NAALADL2: variants seen among roughly 807,000 people sequenced by gnomAD.
NAALADL2 encodes inactive N-acetylated-alpha-linked acidic dipeptidase-like protein 2.
In NAALADL2, 76 loss-of-function variants were observed where a neutral mutation model predicts 87.2. The observed-to-expected ratio is 0.87, with a 90% CI of 0.72 to 1.05. The LOEUF is 1.05. NAALADL2 is among the 50% of genes least tolerant of loss of function. The probability of loss-of-function intolerance (pLI) is 0.00; values close to 1 mark genes in which losing one functional copy is unlikely to be tolerated. For synonymous variants in NAALADL2, 354 were observed against 331.0 expected, an observed-to-expected ratio of 1.07 and a Z score of -0.75; for missense variants, 1,089 against 945.8, an observed-to-expected ratio of 1.15 and a Z score of -1.99.
At chr3:174,720,336 C>CA (rs546844350) in intron 2 of NAALADL2, among the ~76,000 whole-genome samples, 7 of 151,776 alleles carry the variant, frequency 4.6e-5, no homozygotes, top group Admixed American at 3.3e-4. Flanking sequence ...CTGACATGGC[C>CA]ATTAATTAAA....
chr3:174,472,779 C>A (rs1716983223), intron 1 of NAALADL2, among the ~76,000 whole-genome samples: 1 of 152,206 alleles, frequency 6.6e-6, no homozygotes, highest in South Asian at 2.1e-4. Context: ...TCAGTCCACA[C>A]CACTAGGCCT....
At chr3:175,400,092 A>G (rs1452595726) in intron 5 of NAALADL2, among the ~76,000 whole-genome samples, 2 of 152,118 alleles carry the variant, frequency 1.3e-5, no homozygotes, top group Admixed American at 6.6e-5. Context: ...CTCATTCTCT[A>G]TATGAAAAGG....
At chr3:175,419,844 G>T (rs192351366) in intron 5 of NAALADL2, among the ~76,000 whole-genome samples, 89 of 152,068 alleles carry the variant, frequency 5.9e-4, no homozygotes, top group African/African-American at 2.1e-3. Context: ...CTTCATAGAA[G>T]AAGTGATATT....
intron 2 of NAALADL2, among the ~76,000 whole-genome samples, chr3:174,607,190 T>C (rs139432163): frequency 0.35 from 52,696 of 151,580 alleles, 10,426 homozygotes; most frequent in Non-Finnish European, 0.46. Context: ...AAGGAACAAC[T>C]GGTACCAGCC....
chr3:175,043,965 A>G (rs1754384457), intron 1 of NAALADL2, among the ~76,000 whole-genome samples: 1 of 152,162 alleles, frequency 6.6e-6, no homozygotes, highest in Non-Finnish European at 1.5e-5. Flanking sequence ...ATTGCTTTAC[A>G]TAATACAAAT....
intron 1 of NAALADL2, among the ~76,000 whole-genome samples, chr3:174,522,743 G>A (rs1277742205): frequency 6.6e-6 from 1 of 151,734 alleles, no homozygotes. Flanking sequence ...GACCATCCTG[G>A]CTAACACGGT....
intron 13 of NAALADL2, among the ~76,000 whole-genome samples, chr3:175,788,814 CAT>C (rs1407750230): frequency 6.6e-5 from 10 of 152,118 alleles, no homozygotes; most frequent in East Asian, 1.9e-4. Context: ...AATTATCAAA[CAT>C]AATTATTTAT....
chr3:175,273,659 G>A (rs996610826), intron 4 of NAALADL2, among the ~76,000 whole-genome samples: 30 of 151,864 alleles, frequency 2.0e-4, no homozygotes, highest in Non-Finnish European at 1.5e-5. Flanking sequence ...GAAAAAAAAT[G>A]ACAATTTATT....
At chr3:174,684,466 C>T (rs1386976449) in intron 2 of NAALADL2, among the ~76,000 whole-genome samples, 1 of 151,986 alleles carries the variant, frequency 6.6e-6, no homozygotes, top group Admixed American at 6.6e-5. Context: ...TTTTTTCAAG[C>T]TAGTTTGAGT....
At chr3:175,017,607 C>CA (rs1751015792) in intron 1 of NAALADL2, among the ~76,000 whole-genome samples, 1 of 151,938 alleles carries the variant, frequency 6.6e-6, no homozygotes, top group African/African-American at 2.4e-5. Context: ...CCGATTTTCC[C>CA]AAAAAATGAA....
chr3:175,540,741 G>A (rs1712169858), intron 9 of NAALADL2, among the ~76,000 whole-genome samples: 1 of 152,048 alleles, frequency 6.6e-6, no homozygotes, highest in Non-Finnish European at 1.5e-5. Flanking sequence ...AAATACTAGT[G>A]AAAGAGAAGC....
At chr3:175,390,526 G>A (rs778047576) in intron 5 of NAALADL2, among the ~76,000 whole-genome samples, 1 of 152,038 alleles carries the variant, frequency 6.6e-6, no homozygotes, top group East Asian at 1.9e-4. Context: ...CCATCTTTAG[G>A]CTAAACAAGG....
At chr3:174,671,430 A>T (rs77288757) in intron 2 of NAALADL2, among the ~76,000 whole-genome samples, 8,885 of 152,122 alleles carry the variant, frequency 0.058, 691 homozygotes, top group African/African-American at 0.18. Context: ...ATTAGAAAAA[A>T]CAATGTGGGA....
chr3:174,783,804 C>A (rs1332375072), intron 3 of NAALADL2, among the ~76,000 whole-genome samples: 1 of 152,082 alleles, frequency 6.6e-6, no homozygotes, highest in African/African-American at 2.4e-5. Flanking sequence ...GATTCTCAAT[C>A]CTAGCTATGG....
At chr3:175,237,037 C>G (rs1256905249) in intron 3 of NAALADL2, among the ~76,000 whole-genome samples, 1 of 152,106 alleles carries the variant, frequency 6.6e-6, no homozygotes, top group Non-Finnish European at 1.5e-5. Flanking sequence ...CTCCTTCACA[C>G]AACTGAATGT....
chr3:175,722,574 A>G (rs1742381423), intron 11 of NAALADL2, among the ~76,000 whole-genome samples: 1 of 152,166 alleles, frequency 6.6e-6, no homozygotes, highest in Non-Finnish European at 1.5e-5. Flanking sequence ...TAAAATATGT[A>G]CATTACTAAA....
chr3:174,803,827 A>G (rs1560239960), intron 3 of NAALADL2, among the ~76,000 whole-genome samples: 1 of 152,074 alleles, frequency 6.6e-6, no homozygotes. Flanking sequence ...CCATTGGCCT[A>G]TATATCTGTT....
intron 5 of NAALADL2, among the ~76,000 whole-genome samples, chr3:175,446,021 C>T (rs565485574): frequency 6.6e-6 from 1 of 152,210 alleles, no homozygotes; most frequent in East Asian, 1.9e-4. Flanking sequence ...ATTTGAAGTT[C>T]TGTATATGAC....
intron 5 of NAALADL2, among the ~76,000 whole-genome samples, chr3:175,329,964 T>A (rs921898882): frequency 3.9e-5 from 6 of 152,206 alleles, no homozygotes; most frequent in African/African-American, 1.2e-4. Flanking sequence ...GAGAACATTT[T>A]TGAGTGGTTA....
Sources: gnomAD v4.1 joint callset for allele counts (sites outside exome capture counted in the v4.1 genomes callset) on GRCh38, gnomAD v4.1.1 for gene constraint, MANE v1.5 for transcripts, NCBI Gene and HGNC (gene_info 2026-07-23, HGNC 2026-07-21) for gene names.